Variants in EYS observed in about 807,000 individuals in gnomAD.
EYS encodes the protein EGF-like photoreceptor maintenance factor, also known as protein eyes shut homolog.
A neutral mutation model predicts 282.1 loss-of-function variants in EYS; 250 were observed. The observed-to-expected ratio is 0.89, with a 90% confidence interval of 0.80 to 0.98. The LOEUF is 0.98. Ranked by LOEUF, EYS falls within the 50% of genes least tolerant of loss-of-function variation. The probability of loss-of-function intolerance (pLI) is 0.00; values close to 1 mark genes in which losing one functional copy is unlikely to be tolerated. For missense variants in EYS, 4,016 were observed against 3,709.0 expected (o/e 1.08, Z -2.15); for synonymous variants, 1,355 against 1,282.9 (o/e 1.06, Z -1.20).
chr6:64,074,919 T>C (rs148938569), intron 32 of EYS, among the ~76,000 whole-genome samples: 1,591 of 152,066 alleles, frequency 0.01, 30 homozygotes, highest in African/African-American at 0.036. Flanking sequence ...GATGAATAGA[T>C]GTACCCTATA....
At chr6:64,900,270 T>C (rs1033626058) in intron 18 of EYS, among the ~76,000 whole-genome samples, 9 of 152,060 alleles carry the variant, frequency 5.9e-5, no homozygotes, top group Non-Finnish European at 1.2e-4. Context: ...TCTAAACTCA[T>C]AAAAACTCTA....
chr6:63,893,461 G>C (rs1401278917), intron 35 of EYS, among the ~76,000 whole-genome samples: 1 of 152,114 alleles, frequency 6.6e-6, no homozygotes, highest in Non-Finnish European at 1.5e-5. Context: ...ATCATTCTTA[G>C]CAAACTAACA....
In EYS at chr6:65,358,908, T is replaced by C. The variant is rs1228238762; in HGVS notation, c.1300-5291A>G. ...TGTACTTGACAGCCCACTCGATGTA[T>C]AAAAACTGAAAAGAGGAATCAATTC... is the stretch of plus-strand genomic sequence containing the variant. On this transcript the variant is annotated intron_variant, in intron 8 of 42. Coordinates refer to ENST00000503581, the MANE Select transcript of EYS (RefSeq NM_001142800.2). Among the ~76,000 whole-genome samples the C allele has an allele frequency of 2.0e-5, 3 of 152,150 alleles. No individual in the cohort carries two copies. In the East Asian group the frequency reaches 5.8e-4, roughly 29 times the overall value.
chr6:64,268,576 T>C, intron 30 of EYS, among the ~76,000 whole-genome samples: 1 of 152,094 alleles, frequency 6.6e-6, no homozygotes, highest in Admixed American at 6.6e-5. Context: ...CAAGTACTGA[T>C]GATGTTATAG....
intron 1 of EYS, among the ~76,000 whole-genome samples, chr6:65,689,489 C>A (rs558282688): frequency 6.7e-6 from 1 of 149,104 alleles, no homozygotes; most frequent in Non-Finnish European, 1.5e-5. Context: ...CTAACCTGCA[C>A]GTTGTGCACA....
chr6:63,787,601 G>T (rs550651273), intron 39 of EYS, among the ~76,000 whole-genome samples: 1 of 152,026 alleles, frequency 6.6e-6, no homozygotes, highest in East Asian at 1.9e-4. Flanking sequence ...AGAAATCTTT[G>T]ATTTGTTCAT....
chr6:65,575,439 A>C (rs1030077294), intron 2 of EYS, among the ~76,000 whole-genome samples: 3 of 151,722 alleles, frequency 2.0e-5, no homozygotes, highest in African/African-American at 7.2e-5. Flanking sequence ...AACATTTAGC[A>C]AAAGTATTTC....
chr6:64,744,278 A>T (rs1283776170), intron 22 of EYS, among the ~76,000 whole-genome samples: 1 of 152,112 alleles, frequency 6.6e-6, no homozygotes, highest in Non-Finnish European at 1.5e-5. Context: ...CTAATCTATA[A>T]ATTCAATTTT....
intron 22 of EYS, among the ~76,000 whole-genome samples, chr6:64,763,026 A>G (rs1773211461): frequency 6.6e-6 from 1 of 152,244 alleles, no homozygotes; most frequent in Non-Finnish European, 1.5e-5. Context: ...AATGGGAATT[A>G]TGAACACAAT....
chr6:64,450,918 A>C (rs1775309589), intron 26 of EYS, among the ~76,000 whole-genome samples: 1 of 152,224 alleles, frequency 6.6e-6, no homozygotes, highest in African/African-American at 2.4e-5. Context: ...AAGATCTAAA[A>C]TTGAGACCCT....
intron 39 of EYS, among the ~76,000 whole-genome samples, chr6:63,782,157 T>G (rs1384476406): frequency 3.3e-5 from 5 of 152,214 alleles, no homozygotes; most frequent in Admixed American, 3.3e-4. Context: ...TTTGCCAGTA[T>G]TTTATTGAGG....
chr6:63,795,837 G>T (rs996073147), intron 37 of EYS, among the ~76,000 whole-genome samples: 1 of 152,128 alleles, frequency 6.6e-6, no homozygotes, highest in Non-Finnish European at 1.5e-5. Flanking sequence ...AAGTCAGCTT[G>T]ACCTGAAGGA....
At chr6:65,559,884 TAC>T (rs1384973548) in intron 2 of EYS, among the ~76,000 whole-genome samples, 2 of 151,808 alleles carry the variant, frequency 1.3e-5, no homozygotes, top group East Asian at 3.9e-4. Flanking sequence ...ATTTAGAATT[TAC>T]AGTCCTTTGA....
chr6:63,991,657 G>A (rs540349392), intron 34 of EYS, among the ~76,000 whole-genome samples: 532 of 151,470 alleles, frequency 3.5e-3, no homozygotes, highest in Middle Eastern at 0.01. Context: ...CTCAAAAGGA[G>A]AAGAGAGAAA....
intron 26 of EYS, among the ~76,000 whole-genome samples, chr6:64,538,652 C>T (rs1764602135): frequency 6.6e-6 from 1 of 152,080 alleles, no homozygotes. Flanking sequence ...GATAACAATA[C>T]TAATAAATTA....
At chr6:65,237,556 G>C (rs1171083395) in intron 12 of EYS, among the ~76,000 whole-genome samples, 1 of 151,938 alleles carries the variant, frequency 6.6e-6, no homozygotes. Flanking sequence ...GGGTGACAGA[G>C]TAAGACCCTG....
chr6:64,632,779 T>C (rs956244264), intron 22 of EYS, among the ~76,000 whole-genome samples: 2 of 152,120 alleles, frequency 1.3e-5, no homozygotes, highest in Non-Finnish European at 2.9e-5. Flanking sequence ...AAGCCAATGA[T>C]CTGAGCAGAA....
chr6:64,416,935 C>G (rs1774075423), intron 28 of EYS, among the ~76,000 whole-genome samples: 1 of 151,898 alleles, frequency 6.6e-6, no homozygotes, highest in South Asian at 2.1e-4. Flanking sequence ...CTCAGTAAAC[C>G]CAGGAAAACT....
chr6:65,026,718 C>T (rs999414091), intron 13 of EYS, among the ~76,000 whole-genome samples: 1 of 152,112 alleles, frequency 6.6e-6, no homozygotes, highest in African/African-American at 2.4e-5. Context: ...GAGATCGAGA[C>T]TGTCCTGGCT....
Sources: gnomAD v4.1 joint callset for allele counts (sites outside exome capture counted in the v4.1 genomes callset) on GRCh38, gnomAD v4.1.1 for gene constraint, MANE v1.5 for transcripts, NCBI Gene and HGNC (gene_info 2026-07-23, HGNC 2026-07-21) for gene names.